NCOA1: variants seen among roughly 807,000 people sequenced by gnomAD.
NCOA1 encodes the protein Hin-2 protein.
NCOA1 carries 35 observed loss-of-function variants against 150.9 expected under a neutral mutation model. That is an observed-to-expected ratio of 0.23 (90% CI 0.18 to 0.31). The LOEUF (loss-of-function observed/expected upper bound fraction) is 0.31. NCOA1 is among the 10% of genes least tolerant of loss of function. The pLI, the probability that NCOA1 is intolerant of heterozygous loss-of-function variation, is 1.00. For missense variants in NCOA1, 1,491 were observed against 1,749.3 expected (o/e 0.85, Z 2.63); for synonymous variants, 590 against 630.0 (o/e 0.94, Z 0.95).
chr2:24,535,800 G>A (rs1378318321), intron 1 of NCOA1, among the ~76,000 whole-genome samples: 2 of 152,134 alleles, frequency 1.3e-5, no homozygotes, highest in Admixed American at 1.3e-4. Context: ...TGGCTTGTAA[G>A]GTTTCTGACA....
At chr2:24,541,230 T>C (rs1000050691) in intron 1 of NCOA1, among the ~76,000 whole-genome samples, 1 of 152,172 alleles carries the variant, frequency 6.6e-6, no homozygotes, top group African/African-American at 2.4e-5. Context: ...AAATGACCAC[T>C]ACTGTTTGAG....
intron 17 of NCOA1, among the ~76,000 whole-genome samples, chr2:24,735,759 A>T (rs893001768): frequency 6.6e-6 from 1 of 152,220 alleles, no homozygotes; most frequent in Non-Finnish European, 1.5e-5. Context: ...GAAGGAGCTG[A>T]TGATTAAAAA....
chr2:24,641,841 T>C (rs1366514770), intron 3 of NCOA1, among the ~76,000 whole-genome samples: 1 of 152,128 alleles, frequency 6.6e-6, no homozygotes, highest in African/African-American at 2.4e-5. Context: ...TTGGTTTCTC[T>C]ATATTTATTC....
chr2:24,494,282 A>G (rs1339139070), intron 1 of NCOA1, among the ~76,000 whole-genome samples: 2 of 152,172 alleles, frequency 1.3e-5, no homozygotes, highest in African/African-American at 2.4e-5. Flanking sequence ...TTTTTCAAGG[A>G]TGTTTTAGTT....
chr2:24,579,845 C>T (rs953305931), intron 2 of NCOA1, among the ~76,000 whole-genome samples: 1 of 152,152 alleles, frequency 6.6e-6, no homozygotes, highest in African/African-American at 2.4e-5. Flanking sequence ...TTCAAGTTAG[C>T]TTGATCTCTG....
chr2:24,726,812 A>T, intron 15 of NCOA1, 106 bp downstream of exon 15: 1 of 494,650 alleles, frequency 2.0e-6, no homozygotes, highest in Non-Finnish European at 3.4e-6. Flanking sequence ...TTTGTGAGAT[A>T]TTAATAGATG....
At position 24,707,482 on chromosome 2, in the gene NCOA1, C is replaced by T. The variant is rs776902406; in HGVS notation, c.2012C>T (p.Ser671Phe). The change falls in exon 13 of 23, where the codon TCT becomes TTT. Residue 671 changes from serine (S) to phenylalanine (F), a missense_variant. Ser to Phe is a radical substitution (Grantham distance 155, BLOSUM62 -2). This residue lies in a region of NCOA1 where 703 missense variants were observed against 717.7 expected (regional missense o/e 0.98). Coordinates refer to ENST00000348332, the MANE Select transcript of NCOA1 (RefSeq NM_003743.5). ...TGTSNSASAN[S>F]SGGSCPSSHS... ...ACTTCCAACTCTGCCTCTGCTAACT[C>T]TTCAGGAGGTTCTTGTCCCTCTTCT... is the stretch of plus-strand genomic sequence containing the variant. The T allele has an allele frequency of 6.2e-7, 1 of 1,614,200 alleles. No individual in the cohort carries two copies.
At chr2:24,670,811 G>T (rs1176800544) in intron 6 of NCOA1, among the ~76,000 whole-genome samples, 1 of 152,172 alleles carries the variant, frequency 6.6e-6, no homozygotes, top group Non-Finnish European at 1.5e-5. Context: ...TGCCTTAAAT[G>T]AGTTAATTGC....
intron 19 of NCOA1, among the ~76,000 whole-genome samples, chr2:24,746,080 A>G (rs531816481): frequency 2.6e-5 from 4 of 152,318 alleles, no homozygotes; most frequent in East Asian, 1.9e-4. Context: ...GCAGAGTGTG[A>G]CCTTTTTAAC....
intron 3 of NCOA1, among the ~76,000 whole-genome samples, chr2:24,621,982 G>A (rs1203416130): frequency 6.6e-6 from 1 of 152,134 alleles, no homozygotes; most frequent in Non-Finnish European, 1.5e-5. Context: ...TCTAGTCCCC[G>A]CATGTTTTGA....
intron 1 of NCOA1, among the ~76,000 whole-genome samples, chr2:24,520,585 G>A (rs1664376359): frequency 6.6e-6 from 1 of 152,226 alleles, no homozygotes; most frequent in South Asian, 2.1e-4. Flanking sequence ...CTTGTCTGCA[G>A]ATTGTGTTGA....
chr2:24,530,111 T>A (rs1243756887), intron 1 of NCOA1, among the ~76,000 whole-genome samples: 2 of 152,250 alleles, frequency 1.3e-5, no homozygotes, highest in Non-Finnish European at 2.9e-5. Context: ...TGACAGTAGC[T>A]TATCTTTCTG....
intron 1 of NCOA1, among the ~76,000 whole-genome samples, chr2:24,552,171 G>GT (rs1191501422): frequency 2.0e-5 from 3 of 150,932 alleles, no homozygotes; most frequent in Non-Finnish European, 4.4e-5. Flanking sequence ...CAGCTTGTCA[G>GT]TTTTTTTAAA....
At chr2:24,496,316 C>G (rs1663209359) in intron 1 of NCOA1, among the ~76,000 whole-genome samples, 1 of 152,144 alleles carries the variant, frequency 6.6e-6, no homozygotes, top group Non-Finnish European at 1.5e-5. Context: ...ATTTCCCATT[C>G]CAGAAAATTT....
At chr2:24,596,390 G>A (rs1667886476) in intron 3 of NCOA1, among the ~76,000 whole-genome samples, 1 of 152,096 alleles carries the variant, frequency 6.6e-6, no homozygotes, top group African/African-American at 2.4e-5. Flanking sequence ...CAGTAATACT[G>A]ACAGCAGTTC....
chr2:24,636,391 G>A (rs574454873), intron 3 of NCOA1, among the ~76,000 whole-genome samples: 2 of 152,088 alleles, frequency 1.3e-5, no homozygotes, highest in African/African-American at 2.4e-5. Flanking sequence ...TGCTACATTT[G>A]TATAGAAACA....
intron 3 of NCOA1, among the ~76,000 whole-genome samples, chr2:24,596,844 C>G (rs1667905830): frequency 6.6e-6 from 1 of 152,110 alleles, no homozygotes; most frequent in Non-Finnish European, 1.5e-5. Flanking sequence ...AACTGGTATA[C>G]TTGAGGTTTA....
chr2:24,603,730 T>TA (rs1668232545), intron 3 of NCOA1, among the ~76,000 whole-genome samples: 1 of 152,262 alleles, frequency 6.6e-6, no homozygotes, highest in East Asian at 1.9e-4. Context: ...TATCTGCGGT[T>TA]ACTTCTACTG....
At position 24,729,648 on chromosome 2, in the gene NCOA1, G is replaced by C; in HGVS notation, c.3034G>C (p.Val1012Leu). The C allele has an allele frequency of 6.2e-7, 1 of 1,614,000 alleles. No homozygotes were observed. Among genetic ancestry groups the C allele is most frequent in the Non-Finnish European group, 8.5e-7 (1 of 1,180,010 alleles). ...TCTCCCTAGCCCTTTCCAAGGCATG[G>C]TCAGGCAAAAACCTTCACTGGGGAC... Reference protein sequence around the residue: ...ANLPSPFQGMVRQKPSLGTMP... With the variant: ...ANLPSPFQGMLRQKPSLGTMP... The change falls in exon 17 of 23, where the codon GTC becomes CTC. Residue 1012 changes from valine to leucine, a missense_variant. Val to Leu is a conservative substitution (Grantham distance 32, BLOSUM62 1). Coordinates refer to ENST00000348332, the MANE Select transcript of NCOA1 (RefSeq NM_003743.5).
Sources: gnomAD v4.1 joint callset for allele counts (sites outside exome capture counted in the v4.1 genomes callset) on GRCh38, gnomAD v4.1.1 for gene constraint, gnomAD v4.1.1 regional missense constraint, MANE v1.5 for transcripts, NCBI Gene and HGNC (gene_info 2026-07-23, HGNC 2026-07-21) for gene names.